Variants in OAS3 observed in about 807,000 individuals in gnomAD.
OAS3 encodes the protein 2'-5'-oligoadenylate synthase 3.
In OAS3, 107 loss-of-function variants were observed where a neutral mutation model predicts 113.0. The ratio of observed to expected loss-of-function variants is 0.95; its 90% CI spans 0.81 to 1.11. OAS3 has a LOEUF of 1.11. Ranked by LOEUF, OAS3 falls within the 50% of genes most tolerant of loss-of-function variation. OAS3 has a pLI of 0.00. For missense variants in OAS3, 1,258 were observed against 1,389.1 expected, an observed-to-expected ratio of 0.91 and a Z score of 1.50; for synonymous variants, 552 against 573.6, an observed-to-expected ratio of 0.96 and a Z score of 0.54.
At position 112,941,749 on chromosome 12, in the gene OAS3, G is replaced by C; in HGVS notation, c.357G>C (p.Thr119=). The change falls in exon 2 of 16, where the codon ACG becomes ACC. Residue 119 remains threonine (T), a synonymous_variant. Transcript: ENST00000228928. ...WQNPVPGLRL[T]FPEQSVPGAL... is the part of the protein sequence containing the mutation. ...ACCCAGTCCCTGGTCTGAGACTCACGTTTCCTGAGCAGAGCGTGCCTGGGG... is the reference window on the plus strand; with the variant it reads ...ACCCAGTCCCTGGTCTGAGACTCACCTTTCCTGAGCAGAGCGTGCCTGGGG... 1 of 1,614,028 alleles carries C rather than the reference G, an allele frequency of 6.2e-7. No homozygotes were observed. Among genetic ancestry groups the C allele is most frequent in the Non-Finnish European group, 8.5e-7 (1 of 1,179,886 alleles).
At chr12:112,968,903 C>A (rs999201731) in intron 14 of OAS3, among the ~76,000 whole-genome samples, 1 of 152,196 alleles carries the variant, frequency 6.6e-6, no homozygotes, top group African/African-American at 2.4e-5. Context: ...ATTTTGCCTA[C>A]CTCTGAAATG....
intron 8 of OAS3, among the ~76,000 whole-genome samples, 180 bp from the exon 9 acceptor site, chr12:112,962,472 G>A (rs970762450): frequency 1.3e-5 from 2 of 152,170 alleles, no homozygotes; most frequent in Admixed American, 6.5e-5. Flanking sequence ...TATGACCTTA[G>A]ACAAGTCACT....
rs536186754 is a variant in OAS3 at position 112,967,847 on chromosome 12, T to C, written c.2866-89T>C. On this transcript the variant is annotated intron_variant, in intron 13 of 15. Transcript: ENST00000228928. Reference sequence around the variant, plus strand: ...CACATGTAGGTGCTCAATAAAAGTTTTGGGGTTGCTTTGCCAAGTCCAGAA... The same window carrying C: ...CACATGTAGGTGCTCAATAAAAGTTCTGGGGTTGCTTTGCCAAGTCCAGAA... 4.1e-6 allele frequency: 6 copies of C among 1,449,086 alleles called. No individual in the cohort carries two copies. The East Asian group carries it at 7.3e-5, about 18-fold the overall frequency. The allele number at this position is 1,449,086 out of a possible 1,614,324, so 89.8% of individuals were successfully genotyped here.
rs2043911422 is a variant in OAS3 at position 112,963,952 on chromosome 12, G to C, written c.2230-283G>C. Among the ~76,000 whole-genome samples, 1 of 152,158 alleles carries C rather than the reference G, an allele frequency of 6.6e-6. No homozygotes were observed. The highest frequency in any genetic ancestry group is 1.5e-5 in the Non-Finnish European group (1 of 68,022). On this transcript the variant is annotated intron_variant, in intron 10 of 15. Transcript: ENST00000228928. The surrounding 1 kb of genome is among the most constrained non-coding windows in gnomAD (Gnocchi z 4.6). Reference sequence around the variant, plus strand: ...ATCACATTTACTATTTTGCAGCAGGGTCTCATAACCAGCATTTAATACTCA... The same window carrying C: ...ATCACATTTACTATTTTGCAGCAGGCTCTCATAACCAGCATTTAATACTCA...
At chr12:112,949,643 T>C (rs1367939446) in intron 6 of OAS3, among the ~76,000 whole-genome samples, 1 of 152,194 alleles carries the variant, frequency 6.6e-6, no homozygotes, top group Non-Finnish European at 1.5e-5. Flanking sequence ...TTTGGCTCTC[T>C]CTCTCTCGCT....
At chr12:112,946,625 G>A in intron 3 of OAS3, 118 bp from the exon 4 acceptor site, 1 of 823,786 alleles carries the variant, frequency 1.2e-6, no homozygotes, top group Non-Finnish European at 1.9e-6. Flanking sequence ...GAACAGGCTT[G>A]GAACACAGCA....
intron 7 of OAS3, among the ~76,000 whole-genome samples, chr12:112,955,228 C>T (rs532356344): frequency 2.0e-5 from 3 of 152,298 alleles, no homozygotes; most frequent in African/African-American, 4.8e-5. Flanking sequence ...TGGGCTGAGA[C>T]GATGGGGTTT....
intron 5 of OAS3, among the ~76,000 whole-genome samples, 168 bp downstream of exon 5, chr12:112,948,267 G>A (rs146943737): frequency 6.6e-6 from 1 of 152,108 alleles, no homozygotes. Flanking sequence ...AGGCCGAGGT[G>A]GGCAGATTAC....
chr12:112,968,374 C>T (rs1430039106), intron 14 of OAS3, among the ~76,000 whole-genome samples, 200 bp downstream of exon 14: 1 of 152,136 alleles, frequency 6.6e-6, no homozygotes, highest in African/African-American at 2.4e-5. Context: ...AAACGCAAGA[C>T]CCCAAGTTAA....
chr12:112,963,447 G>A lies in OAS3; in HGVS notation c.2219G>A (p.Trp740Ter). 6.5e-7 allele frequency: 1 copy of A among 1,543,378 alleles called. No individual in the cohort carries two copies. The highest frequency in any genetic ancestry group is 2.0e-5 in the Admixed American group (1 of 50,386). ...AGAGACGGGACATCTGTGCAGCCCT[G>A]GGATGTGATGGTAAGATGGAGGGTC... ...LSRDGTSVQP[W>*]DVMPALLYQT... The change falls in exon 10 of 16, where the codon TGG becomes TAG. Residue 740 changes from tryptophan (W) to a stop codon, truncating the protein, a stop_gained. Coordinates refer to ENST00000228928, the MANE Select transcript of OAS3 (RefSeq NM_006187.4). LOFTEE classifies it high-confidence loss of function. This position sits in a 1 kb window ranked among gnomAD's most constrained non-coding sequence, Gnocchi z 4.6.
intron 3 of OAS3, 54 bp from the exon 4 acceptor site, chr12:112,946,689 G>A: frequency 6.8e-7 from 1 of 1,475,344 alleles, no homozygotes; most frequent in Non-Finnish European, 9.3e-7. Context: ...CAGAGAGCTG[G>A]CTCTCTTTCC....
At position 112,967,954 on chromosome 12, in the gene OAS3, G is replaced by C. The variant is rs1354602189; in HGVS notation, c.2884G>C (p.Gly962Arg). ...WYQQCTKISKGRGSLPPQHGL... is the reference protein window; with the variant it reads ...WYQQCTKISKRRGSLPPQHGL... ...TCTCCAGTGTACCAAGATCTCCAAG[G>C]GGAGAGGCTCCCTACCCCCACAGCA... The change falls in exon 14 of 16, where the codon GGG becomes CGG. Residue 962 changes from glycine to arginine, a missense_variant. By Grantham distance (125) the Gly-to-Arg change is moderately radical. Transcript: ENST00000228928. The C allele has an allele frequency of 1.2e-6, 2 of 1,613,710 alleles. No individual in the cohort carries two copies. Among genetic ancestry groups the C allele is most frequent in the Non-Finnish European group, 1.7e-6 (2 of 1,179,732 alleles).
At chr12:112,966,360 T>C (rs1170544423) in intron 12 of OAS3, among the ~76,000 whole-genome samples, 1 of 152,202 alleles carries the variant, frequency 6.6e-6, no homozygotes, top group South Asian at 2.1e-4. Context: ...GTAAGGACAC[T>C]GATGTTTCTT....
At chr12:112,948,582 G>C (rs556989442) in intron 5 of OAS3, among the ~76,000 whole-genome samples, 1 of 151,014 alleles carries the variant, frequency 6.6e-6, no homozygotes, top group East Asian at 2.0e-4. Flanking sequence ...GAAACTGCCC[G>C]GGGGAAGGAG....
intron 6 of OAS3, 121 bp from the exon 7 acceptor site, chr12:112,950,572 C>G: frequency 1.7e-6 from 2 of 1,176,194 alleles, no homozygotes; most frequent in Non-Finnish European, 2.4e-6. Flanking sequence ...TCATAGTCCC[C>G]AGACCTGACA....
Position 112,941,798 on chromosome 12 carries a change from G to A in OAS3, c.406G>A (p.Val136Ile), listed in dbSNP as rs374475745. 156 of 1,613,862 alleles carry A rather than the reference G, an allele frequency of 9.7e-5. No individual in the cohort carries two copies. The highest frequency in any genetic ancestry group is 6.0e-4 in the East Asian group (27 of 44,900). Residue 136 changes from valine to isoleucine, a missense_variant, in exon 2 of 16, where the codon GTA becomes ATA. Physicochemically the swap from Val to Ile is conservative, Grantham distance 29. Transcript: ENST00000228928. ...PGALQFRLTSVDLEDWMDVSL... is the reference protein window; with the variant it reads ...PGALQFRLTSIDLEDWMDVSL... ...GGCCCTGCAGTTCCGCCTGACATCC[G>A]TAGATCTTGAGGACTGGATGGATGT...
rs2043679321 is a variant in OAS3 at position 112,941,550 on chromosome 12, A to T, written c.178-20A>T. The T allele has an allele frequency of 6.2e-7, 1 of 1,605,498 alleles. No homozygotes were observed. The highest frequency in any genetic ancestry group is 1.1e-5 in the South Asian group (1 of 90,608). On this transcript the variant is annotated intron_variant, in intron 1 of 15. Coordinates refer to ENST00000228928, the MANE Select transcript of OAS3 (RefSeq NM_006187.4). ...TAGAATTGGACAGTATGAAATTCTG[A>T]GTTATTTTTCTTTGCCCAGGGAGGC... is the stretch of plus-strand genomic sequence containing the variant.
intron 15 of OAS3, 71 bp downstream of exon 15, chr12:112,969,826 T>A: frequency 6.3e-7 from 1 of 1,596,350 alleles, no homozygotes; most frequent in Non-Finnish European, 8.5e-7. Context: ...GGGAGGGACA[T>A]GATTCCCACT....
chr12:112,941,476 C>A, intron 1 of OAS3, 94 bp from the exon 2 acceptor site: 2 of 1,397,128 alleles, frequency 1.4e-6, no homozygotes, highest in Non-Finnish European at 2.0e-6. Flanking sequence ...CACAGTCTCT[C>A]CCCAGCACAC....
Sources: gnomAD v4.1 joint callset for allele counts (sites outside exome capture counted in the v4.1 genomes callset) on GRCh38, gnomAD v4.1.1 for gene constraint, Gnocchi (gnomAD v3.1) non-coding constraint, MANE v1.5 for transcripts, NCBI Gene and HGNC (gene_info 2026-07-23, HGNC 2026-07-21) for gene names.